Variants in DLC1 observed in about 807,000 individuals in gnomAD.
The protein encoded by DLC1 is DLC1 Rho GTPase activating protein.
Under a neutral mutation model 140.3 loss-of-function variants are expected in DLC1, and 54 were observed. The observed-to-expected ratio is 0.38, with a 90% CI of 0.31 to 0.48. DLC1 has a LOEUF of 0.48. Ranked by LOEUF, DLC1 falls within the 20% of genes least tolerant of loss-of-function variation. The probability of loss-of-function intolerance (pLI) is 0.96; values close to 1 mark genes in which losing one functional copy is unlikely to be tolerated. For missense variants in DLC1, 2,536 were observed against 1,907.0 expected, an observed-to-expected ratio of 1.33 and a Z score of -6.14; for synonymous variants, 986 against 728.1, an observed-to-expected ratio of 1.35 and a Z score of -5.70.
At chr8:13,259,316 G>A (rs983180697) in intron 5 of DLC1, among the ~76,000 whole-genome samples, 2 of 152,078 alleles carry the variant, frequency 1.3e-5, no homozygotes, top group East Asian at 3.9e-4. Flanking sequence ...ACTATCCAGT[G>A]CTGTGAATCA....
intron 7 of DLC1, among the ~76,000 whole-genome samples, chr8:13,110,122 C>G (rs1819951543): frequency 6.6e-6 from 1 of 152,138 alleles, no homozygotes; most frequent in African/African-American, 2.4e-5. Flanking sequence ...AGTGTCCCAT[C>G]ATCGACTGCT....
intron 5 of DLC1, among the ~76,000 whole-genome samples, chr8:13,139,508 C>A (rs1822817407): frequency 6.6e-6 from 1 of 152,106 alleles, no homozygotes; most frequent in Non-Finnish European, 1.5e-5. Context: ...GAAGAGGGCA[C>A]TTGGTGGAGA....
Position 13,499,499 on chromosome 8 carries a change from C to T in DLC1, c.573G>A (p.Leu191=). The change falls in exon 2 of 18, where the codon CTG becomes CTA. Residue 191 remains leucine (L), a synonymous_variant. Transcript: ENST00000276297. ...TTAAGCTTATTTCATTGCAAAGCTC[C>T]AGGCTTTTACTTATAGAGTCAGTAA... ...RKVTDSISKS[L]ELCNEISLSE... The T allele has an allele frequency of 6.2e-7, 1 of 1,614,124 alleles. No individual in the cohort carries two copies. The highest frequency in any genetic ancestry group is 8.5e-7 in the Non-Finnish European group (1 of 1,180,014).
At chr8:13,589,599 G>A (rs370311281) in intron 1 of DLC1, among the ~76,000 whole-genome samples, 2 of 151,154 alleles carry the variant, frequency 1.3e-5, no homozygotes, top group East Asian at 1.9e-4. Context: ...CCTTGAGGAT[G>A]TTTTTTCATG....
intron 4 of DLC1, among the ~76,000 whole-genome samples, chr8:13,320,779 C>G (rs1833069727): frequency 6.6e-6 from 1 of 152,150 alleles, no homozygotes; most frequent in South Asian, 2.1e-4. Context: ...CTTCAGGAGT[C>G]CAAGGCAGGA....
chr8:13,104,240 T>A (rs1305843341), intron 7 of DLC1, among the ~76,000 whole-genome samples: 1 of 152,132 alleles, frequency 6.6e-6, no homozygotes, highest in Non-Finnish European at 1.5e-5. Flanking sequence ...AAGACTCTTT[T>A]TGCAACAGCC....
intron 5 of DLC1, among the ~76,000 whole-genome samples, chr8:13,261,919 A>C (rs1586027456): frequency 6.6e-6 from 1 of 152,334 alleles, no homozygotes; most frequent in East Asian, 1.9e-4. Flanking sequence ...AGCATTAAAT[A>C]ATAATTCAGG....
intron 1 of DLC1, among the ~76,000 whole-genome samples, chr8:13,521,520 C>T (rs549488532): frequency 1.3e-5 from 2 of 152,196 alleles, no homozygotes; most frequent in Non-Finnish European, 2.9e-5. Context: ...CTCTGCTCCC[C>T]TGGGATAGAA....
At chr8:13,283,398 G>T (rs984522262) in intron 5 of DLC1, among the ~76,000 whole-genome samples, 2 of 151,958 alleles carry the variant, frequency 1.3e-5, no homozygotes, top group Non-Finnish European at 2.9e-5. Flanking sequence ...CTGAGAGAAG[G>T]TTTTAAAAAA....
chr8:13,476,462 A>G (rs923397972), intron 2 of DLC1, among the ~76,000 whole-genome samples: 1 of 103,934 alleles, frequency 9.6e-6, no homozygotes, highest in African/African-American at 4.5e-5. Context: ...ATCCACATAC[A>G]GTGCAGTGTT....
chr8:13,451,206 G>C (rs62492206), intron 2 of DLC1, among the ~76,000 whole-genome samples: 169 of 152,048 alleles, frequency 1.1e-3, no homozygotes, highest in Non-Finnish European at 1.7e-3. Context: ...GTCATTTATT[G>C]ACTATTTAAA....
At chr8:13,306,581 TGTGAGAGAGA>T (rs1467120285) in intron 4 of DLC1, among the ~76,000 whole-genome samples, 2 of 149,542 alleles carry the variant, frequency 1.3e-5, no homozygotes, top group Non-Finnish European at 3.0e-5. Context: ...TGTGTGTGTG[TGTGAGAGAGA>T]GAGAGAGAGA....
At chr8:13,271,820 T>G (rs1331799923) in intron 5 of DLC1, among the ~76,000 whole-genome samples, 1 of 152,186 alleles carries the variant, frequency 6.6e-6, no homozygotes, top group Non-Finnish European at 1.5e-5. Context: ...GGACTACAGA[T>G]GGTCACCACC....
chr8:13,086,230 A>C, intron 17 of DLC1, 60 bp downstream of exon 17: 1 of 1,566,638 alleles, frequency 6.4e-7, no homozygotes, highest in Non-Finnish European at 8.6e-7. Context: ...TGCATTAGAC[A>C]AAAAGTCAGA....
At chr8:13,447,428 G>C (rs945528178) in intron 2 of DLC1, among the ~76,000 whole-genome samples, 1 of 152,086 alleles carries the variant, frequency 6.6e-6, no homozygotes, top group Non-Finnish European at 1.5e-5. Flanking sequence ...GTGGCTGTGG[G>C]GACTTGCTTT....
intron 1 of DLC1, chr8:13,568,311 C>T (rs773781453): frequency 6.4e-5 from 12 of 187,484 alleles, no homozygotes; most frequent in African/African-American, 1.2e-4. Flanking sequence ...CTTGTGCGCC[C>T]GGATGAATGA....
At chr8:13,338,361 G>T (rs1355395848) in intron 4 of DLC1, among the ~76,000 whole-genome samples, 1 of 152,162 alleles carries the variant, frequency 6.6e-6, no homozygotes, top group African/African-American at 2.4e-5. Context: ...GGCTGTAGCT[G>T]GCACCCTAGC....
intron 5 of DLC1, among the ~76,000 whole-genome samples, chr8:13,191,577 C>G (rs1192434980): frequency 6.6e-6 from 1 of 152,306 alleles, no homozygotes; most frequent in South Asian, 2.1e-4. Context: ...GCACTGAAGA[C>G]AGTATTTAAG....
intron 5 of DLC1, among the ~76,000 whole-genome samples, chr8:13,273,373 A>G (rs1261580865): frequency 6.6e-5 from 10 of 152,200 alleles, no homozygotes; most frequent in South Asian, 2.1e-4. Flanking sequence ...GCTTTTAGCA[A>G]AGAAGACAGA....
Sources: allele counts gnomAD v4.1 joint callset (sites outside exome capture counted in the v4.1 genomes callset), GRCh38; gene constraint gnomAD v4.1.1; transcripts MANE v1.5; gene names NCBI Gene and HGNC (gene_info 2026-07-23, HGNC 2026-07-21).